The following TTYH1 variants were observed in gnomAD, a reference collection of about 807,000 sequenced individuals.
TTYH1 encodes tweety family member 1.
TTYH1 carries 33 observed loss-of-function variants against 61.2 expected under a neutral mutation model. The ratio of observed to expected loss-of-function variants is 0.54; its 90% CI spans 0.41 to 0.72. The LOEUF is 0.72. Among genes scored for constraint, TTYH1 ranks in the 30% least tolerant of loss-of-function variants. TTYH1 has a pLI of 0.00. For synonymous variants in TTYH1, 308 were observed against 266.4 expected (o/e 1.16, Z -1.52); for missense variants, 538 against 575.8 (o/e 0.93, Z 0.67).
At position 54,436,515 on chromosome 19, in the gene TTYH1, G is replaced by A. The variant is rs1336054072; in HGVS notation, c.*225G>A. On this transcript the variant is annotated 3_prime_UTR_variant, in exon 14 of 14. Transcript: ENST00000376530. This position sits in a 1 kb window ranked among gnomAD's most constrained non-coding sequence, Gnocchi z 4.3. ...GCAGACTAGGGAGTAGGGCTGGCAG[G>A]GGAGGGGGCAGACAGCCTCGCCTCG... 2.2e-6 allele frequency: 2 copies of A among 889,068 alleles called. No individual in the cohort carries two copies. The highest frequency in any genetic ancestry group is 2.6e-5 in the East Asian group (1 of 38,452). 55.1% of individuals were successfully genotyped at this position (889,068 alleles called of 1,614,324 possible). A position where few individuals can be genotyped will look rare whatever the true frequency, so the allele number is the denominator to read the frequency against.
rs190125538 is a variant in TTYH1 at position 54,417,097 on chromosome 19, G to C, written c.126+1419G>C. On this transcript the variant is annotated intron_variant, in intron 1 of 13. Coordinates refer to ENST00000376530, the MANE Select transcript of TTYH1 (RefSeq NM_020659.4). ...GCCAGGGCCTCAGGGACACTGGCCC[G>C]GGGGAGGCACACAGCCACACGCACA... is the stretch of plus-strand genomic sequence containing the variant. Among the ~76,000 whole-genome samples, 4 of 152,148 alleles carry C rather than the reference G, an allele frequency of 2.6e-5. No homozygotes were observed. The East Asian group carries it at 5.8e-4, about 22-fold the overall frequency.
chr19:54,431,496 T>C, intron 10 of TTYH1: 1 of 435,866 alleles, frequency 2.3e-6, no homozygotes. Flanking sequence ...CTTCCTTGTC[T>C]TCTCTCCTCT....
chr19:54,424,026 TG>T (rs2083272884), intron 4 of TTYH1, among the ~76,000 whole-genome samples: 1 of 151,518 alleles, frequency 6.6e-6, no homozygotes, highest in African/African-American at 2.4e-5. Flanking sequence ...CCGGGCGTGG[TG>T]GTGGGCGCCT....
intron 10 of TTYH1, chr19:54,435,211 G>C: frequency 3.4e-6 from 1 of 297,642 alleles, no homozygotes; most frequent in Non-Finnish European, 6.3e-6. Flanking sequence ...GGTGGGAGAT[G>C]CTGGACTGGT....
chr19:54,427,666 G>A (rs1458874308), intron 5 of TTYH1, among the ~76,000 whole-genome samples: 3 of 151,428 alleles, frequency 2.0e-5, no homozygotes, highest in Non-Finnish European at 4.4e-5. Flanking sequence ...GGTCATGCAC[G>A]CTGAGTCCTT....
intron 4 of TTYH1, 100 bp from the exon 5 acceptor site, chr19:54,426,573 C>G: frequency 3.3e-6 from 3 of 911,056 alleles, no homozygotes; most frequent in Non-Finnish European, 5.4e-6. Flanking sequence ...GAATGTGAGG[C>G]TGAGCTGGGG....
chr19:54,424,421 G>A (rs1244773217), intron 4 of TTYH1, among the ~76,000 whole-genome samples: 2 of 152,246 alleles, frequency 1.3e-5, no homozygotes, highest in African/African-American at 2.4e-5. Context: ...GAGGCCTTCC[G>A]GGATGCTGCG....
rs993607782 is a variant in TTYH1 at position 54,415,793 on chromosome 19, G to T, written c.126+115G>T. ...TGAGCTCCGCCGGAGGCTGGGGGCC[G>T]GCCCGGACTTTGGGGTTTCGGAGGG... On this transcript the variant is annotated intron_variant, in intron 1 of 13. Coordinates refer to ENST00000376530, the MANE Select transcript of TTYH1 (RefSeq NM_020659.4). This position sits in a 1 kb window ranked among gnomAD's most constrained non-coding sequence, Gnocchi z 5.2. The T allele has an allele frequency of 6.5e-6, 8 of 1,225,050 alleles. No homozygotes were observed. Among genetic ancestry groups the T allele is most frequent in the Non-Finnish European group, 8.7e-6 (8 of 919,984 alleles). 75.9% of individuals were successfully genotyped at this position (1,225,050 alleles called of 1,614,324 possible).
intron 9 of TTYH1, 96 bp downstream of exon 9, chr19:54,431,001 G>A: frequency 1.3e-6 from 2 of 1,532,688 alleles, no homozygotes; most frequent in Non-Finnish European, 9.0e-7. Flanking sequence ...TGCAGAGCTA[G>A]GCGGGGCCTT....
At position 54,420,014 on chromosome 19, in the gene TTYH1, A is replaced by G. The variant is rs1052308174; in HGVS notation, c.305+708A>G. Reference sequence around the variant, plus strand: ...GCCCAGTTTCCAAAGAGGAAGGCTCAGGGACAGAGGGGAGGTCACCTTTCA... The same window carrying G: ...GCCCAGTTTCCAAAGAGGAAGGCTCGGGGACAGAGGGGAGGTCACCTTTCA... On this transcript the variant is annotated intron_variant, in intron 2 of 13. Coordinates refer to ENST00000376530, the MANE Select transcript of TTYH1 (RefSeq NM_020659.4). The surrounding 1 kb of genome is among the most constrained non-coding windows in gnomAD (Gnocchi z 4.8). Among the ~76,000 whole-genome samples the G allele has an allele frequency of 1.3e-5, 2 of 152,190 alleles. No individual in the cohort carries two copies. The highest frequency in any genetic ancestry group is 6.5e-5 in the Admixed American group (1 of 15,268).
intron 4 of TTYH1, among the ~76,000 whole-genome samples, chr19:54,425,142 G>A (rs2083297354): frequency 6.6e-6 from 1 of 152,262 alleles, no homozygotes; most frequent in South Asian, 2.1e-4. Flanking sequence ...ACAATGGCGA[G>A]CCTCTAGCCC....
At position 54,429,524 on chromosome 19, in the gene TTYH1, G is replaced by A; in HGVS notation, c.807+145G>A. On this transcript the variant is annotated intron_variant, in intron 6 of 13. Coordinates refer to ENST00000376530, the MANE Select transcript of TTYH1 (RefSeq NM_020659.4). The surrounding 1 kb of genome is among the most constrained non-coding windows in gnomAD (Gnocchi z 5.1). The stretch of plus-strand genomic sequence containing the variant: ...CTGAGGTTTAGGGCTTGTTTCCTGG[G>A]GCCTGAGTGGGTACAGATTGGTGTC... 1.3e-6 allele frequency: 1 copy of A among 744,930 alleles called. No individual in the cohort carries two copies. The highest frequency in any genetic ancestry group is 1.6e-5 in the South Asian group (1 of 60,660). The allele number at this position is 744,930 out of a possible 1,614,324, so 46.1% of individuals were successfully genotyped here.
Position 54,415,796 on chromosome 19 carries a change from C to A in TTYH1, c.126+118C>A. On this transcript the variant is annotated intron_variant, in intron 1 of 13. Transcript: ENST00000376530. This position sits in a 1 kb window ranked among gnomAD's most constrained non-coding sequence, Gnocchi z 5.2. The stretch of plus-strand genomic sequence containing the variant: ...GCTCCGCCGGAGGCTGGGGGCCGGC[C>A]CGGACTTTGGGGTTTCGGAGGGAGG... 8.2e-7 allele frequency: 1 copy of A among 1,219,884 alleles called. No homozygotes were observed. Among genetic ancestry groups the A allele is most frequent in the Non-Finnish European group, 1.1e-6 (1 of 914,388 alleles). The allele number at this position is 1,219,884 out of a possible 1,614,324, so 75.6% of individuals were successfully genotyped here.
In TTYH1 at chr19:54,429,397, G is replaced by A; in HGVS notation, c.807+18G>A. ...CGGCCGTGGTGAGTGCCAGGGCCGG[G>A]CCATTGGGCTCTGGGACTCAGGGGG... On this transcript the variant is annotated intron_variant, in intron 6 of 13. Coordinates refer to ENST00000376530, the MANE Select transcript of TTYH1 (RefSeq NM_020659.4). This position sits in a 1 kb window ranked among gnomAD's most constrained non-coding sequence, Gnocchi z 5.1. The A allele has an allele frequency of 6.2e-7, 1 of 1,612,460 alleles. No individual in the cohort carries two copies. The highest frequency in any genetic ancestry group is 8.5e-7 in the Non-Finnish European group (1 of 1,179,164).
rs77561511 is a variant in TTYH1, at chr19:54,422,300, A to G, written c.528A>G (p.Arg176=). 46,789 of 1,565,958 alleles carry G rather than the reference A, an allele frequency of 0.03. 1,041 individuals are homozygous for G. The highest frequency in any genetic ancestry group is 0.093 in the South Asian group (7,900 of 85,236). The change falls in exon 4 of 14, where the codon CGA becomes CGG. Residue 176 remains arginine, a synonymous_variant. Transcript: ENST00000376530. ...TGGTGGCTGCCGCCCGAGGGGCTCG[A>G]CGGCAGGCGGAGGCTGCGGCCCAGC... ...TELVAAARGA[R]RQAEAAAQQL... is the part of the protein sequence containing the mutation.
At position 54,429,793 on chromosome 19, in the gene TTYH1, G is replaced by C; in HGVS notation, c.808-89G>C. 2 of 1,156,178 alleles carry C rather than the reference G, an allele frequency of 1.7e-6. No individual in the cohort carries two copies. Among genetic ancestry groups the C allele is most frequent in the Non-Finnish European group, 1.3e-6 (1 of 781,354 alleles). 71.6% of individuals were successfully genotyped at this position (1,156,178 alleles called of 1,614,324 possible). ...GGGACCTGGACCCCTGGGTGGGGAG[G>C]GGAGCTGGGGAGCCAGGCACTGGGT... is the stretch of plus-strand genomic sequence containing the variant. On this transcript the variant is annotated intron_variant, in intron 6 of 13. Transcript: ENST00000376530. The surrounding 1 kb of genome is among the most constrained non-coding windows in gnomAD (Gnocchi z 5.1).
chr19:54,436,295 A>T lies in TTYH1; in HGVS notation c.*43-38A>T. The T allele has an allele frequency of 1.2e-6, 2 of 1,613,744 alleles. No homozygotes were observed. The highest frequency in any genetic ancestry group is 1.7e-6 in the Non-Finnish European group (2 of 1,179,740). Reference sequence around the variant, plus strand: ...GTGGATCGCACCGGGCAGGCCCTCCAGCCTGCATCACTGCCCTGTCTCTCC... The same window carrying T: ...GTGGATCGCACCGGGCAGGCCCTCCTGCCTGCATCACTGCCCTGTCTCTCC... On this transcript the variant is annotated intron_variant, in intron 13 of 13. Transcript: ENST00000376530. This position sits in a 1 kb window ranked among gnomAD's most constrained non-coding sequence, Gnocchi z 4.3.
Position 54,419,122 on chromosome 19 carries a change from C to A in TTYH1, c.127-6C>A. The stretch of plus-strand genomic sequence containing the variant: ...CTCGGAGGTCTGATGTCACCCCCTT[C>A]CCCAGGCCTTGTTGCTGGTGGCGGC... On this transcript the variant is annotated splice_region_variant and splice_polypyrimidine_tract_variant and intron_variant, in intron 1 of 13. Transcript: ENST00000376530. The surrounding 1 kb of genome is among the most constrained non-coding windows in gnomAD (Gnocchi z 6.1). The A allele has an allele frequency of 1.9e-6, 3 of 1,609,002 alleles. No individual in the cohort carries two copies. The highest frequency in any genetic ancestry group is 1.7e-5 in the Admixed American group (1 of 59,516).
chr19:54,418,963 A>G (rs2083144822), intron 1 of TTYH1, among the ~76,000 whole-genome samples, 165 bp from the exon 2 acceptor site: 1 of 152,142 alleles, frequency 6.6e-6, no homozygotes. Context: ...CCCAGCTGCC[A>G]GCCTGGGAGG....
Sources: allele counts gnomAD v4.1 joint callset (sites outside exome capture counted in the v4.1 genomes callset), GRCh38; gene constraint gnomAD v4.1.1; non-coding constraint Gnocchi (gnomAD v3.1); transcripts MANE v1.5; gene names NCBI Gene and HGNC (gene_info 2026-07-23, HGNC 2026-07-21).